VWA5A: variants seen among roughly 807,000 people sequenced by gnomAD.
The protein encoded by VWA5A is von Willebrand factor A domain containing 5A.
VWA5A carries 77 observed loss-of-function variants against 84.6 expected under a neutral mutation model. That is an observed-to-expected ratio of 0.91 (90% CI 0.76 to 1.10). The LOEUF is 1.10. Among genes scored for constraint, VWA5A ranks in the 50% least tolerant of loss-of-function variants. The pLI, the probability that VWA5A is intolerant of heterozygous loss-of-function variation, is 0.00. For synonymous variants in VWA5A, 334 were observed against 350.1 expected, an observed-to-expected ratio of 0.95 and a Z score of 0.51; for missense variants, 973 against 963.0, an observed-to-expected ratio of 1.01 and a Z score of -0.14.
intron 15 of VWA5A, 33 bp downstream of exon 15, chr11:124,137,301 G>C (rs1860628097): frequency 6.3e-7 from 1 of 1,594,312 alleles, no homozygotes; most frequent in Admixed American, 1.8e-5. Flanking sequence ...AACTCATATA[G>C]AATAAAAGAT....
chr11:124,140,379 C>CAGA (rs1225912861), intron 15 of VWA5A, among the ~76,000 whole-genome samples: 69 of 152,200 alleles, frequency 4.5e-4, no homozygotes, highest in Non-Finnish European at 7.4e-5. Context: ...CTTAGTAGTC[C>CAGA]AGATGAGGTC....
chr11:124,136,863 A>C (rs1860606072), intron 14 of VWA5A, 152 bp from the exon 15 acceptor site: 7 of 1,200,532 alleles, frequency 5.8e-6, no homozygotes, highest in Admixed American at 2.8e-5. Context: ...GTTTTCCTAC[A>C]ATCATTTTTT....
At chr11:124,132,966 C>A (rs1303949254) in intron 11 of VWA5A, among the ~76,000 whole-genome samples, 1 of 152,114 alleles carries the variant, frequency 6.6e-6, no homozygotes, top group Non-Finnish European at 1.5e-5. Context: ...TAATATTTTC[C>A]AATTATCATT....
At chr11:124,129,461 C>T (rs1865065796) in intron 11 of VWA5A, among the ~76,000 whole-genome samples, 1 of 152,066 alleles carries the variant, frequency 6.6e-6, no homozygotes, top group Non-Finnish European at 1.5e-5. Context: ...GTGTCTCAGC[C>T]AGGTTTTGGT....
chr11:124,119,682 A>G (rs2137628482), intron 7 of VWA5A, among the ~76,000 whole-genome samples: 1 of 152,322 alleles, frequency 6.6e-6, no homozygotes, highest in Non-Finnish European at 1.5e-5. Flanking sequence ...CTTATTGGCT[A>G]AATTTGCTAT....
At chr11:124,124,154 TA>T in intron 10 of VWA5A, 82 bp from the exon 11 acceptor site, 1 of 1,316,532 alleles carries the variant, frequency 7.6e-7, no homozygotes, top group Non-Finnish European at 1.1e-6. Flanking sequence ...TGCAATGAAA[TA>T]GGTGGATTTT....
At chr11:124,119,846 A>G (rs1864902628) in intron 7 of VWA5A, among the ~76,000 whole-genome samples, 1 of 152,240 alleles carries the variant, frequency 6.6e-6, no homozygotes. Context: ...GCTTTAGGAA[A>G]AACATTTTAA....
rs756187155 is a variant in VWA5A, at chr11:124,118,204, G to A, written c.262G>A (p.Glu88Lys). ...TGCTTCTCAGGCCCGCACCAACTAT[G>A]AGAAAGCCATCTCCCAGGGCCACCA... ...QDKMKARTNYEKAISQGHQAF... is the reference protein window; with the variant it reads ...QDKMKARTNYKKAISQGHQAF... Residue 88 changes from glutamate (E) to lysine (K), a missense_variant, in exon 5 of 19, where the codon GAG becomes AAG. Physicochemically the swap from Glu to Lys is moderately conservative, Grantham distance 56. Transcript: ENST00000456829. 1.9e-6 allele frequency: 3 copies of A among 1,613,978 alleles called. No individual in the cohort carries two copies. Among genetic ancestry groups the A allele is most frequent in the East Asian group, 4.5e-5 (2 of 44,862 alleles).
intron 12 of VWA5A, among the ~76,000 whole-genome samples, chr11:124,135,665 G>T: frequency 6.8e-6 from 1 of 147,358 alleles, no homozygotes; most frequent in Non-Finnish European, 1.5e-5. Context: ...TGAGTAGCTG[G>T]GACTACAGGC....
In VWA5A at chr11:124,118,186, C is replaced by T; in HGVS notation, c.247-3C>T. ...TTCCCATCCCTCGCCCTGTGCTTCT[C>T]AGGCCCGCACCAACTATGAGAAAGC... On this transcript the variant is annotated splice_region_variant and splice_polypyrimidine_tract_variant and intron_variant, in intron 4 of 18. Transcript: ENST00000456829. 6.2e-7 allele frequency: 1 copy of T among 1,613,162 alleles called. No individual in the cohort carries two copies. Among genetic ancestry groups the T allele is most frequent in the Non-Finnish European group, 8.5e-7 (1 of 1,179,652 alleles).
chr11:124,145,829 ATCC>A, intron 18 of VWA5A, 34 bp from the exon 19 acceptor site: 4 of 1,554,062 alleles, frequency 2.6e-6, no homozygotes, highest in Non-Finnish European at 3.5e-6. Context: ...TCTAATTGCA[ATCC>A]TTCATCCCTG....
chr11:124,144,102 T>C (rs1860775966), intron 17 of VWA5A, among the ~76,000 whole-genome samples: 1 of 152,090 alleles, frequency 6.6e-6, no homozygotes, highest in East Asian at 1.9e-4. Flanking sequence ...TATTTGTAGA[T>C]GACAAAACTG....
intron 11 of VWA5A, among the ~76,000 whole-genome samples, chr11:124,128,026 A>G (rs943425250): frequency 4.6e-5 from 7 of 152,018 alleles, no homozygotes; most frequent in South Asian, 4.2e-4. Context: ...GTTAGATCCC[A>G]TTTGTCAATT....
Position 124,117,225 on chromosome 11 carries a change from G to A in VWA5A, c.-15-272G>A, listed in dbSNP as rs542739422. 7 of 515,818 alleles carry A rather than the reference G, an allele frequency of 1.4e-5. No homozygotes were observed. In the Admixed American group the frequency reaches 2.4e-4, roughly 18 times the overall value. 32.0% of individuals were successfully genotyped at this position (515,818 alleles called of 1,614,324 possible). ...GAATTAAATACACTTTTGAGAAAGT[G>A]GAATTGGTATTTGAACCAGCCTCAG... is the stretch of plus-strand genomic sequence containing the variant. On this transcript the variant is annotated intron_variant, in intron 2 of 18. Transcript: ENST00000456829.
chr11:124,116,311 T>C (rs1864829100), intron 1 of VWA5A: 2 of 152,320 alleles, frequency 1.3e-5, no homozygotes, highest in Non-Finnish European at 2.9e-5. Flanking sequence ...ATTTTGTTTG[T>C]ACTGGGAAGA....
At chr11:124,127,009 A>G (rs1334478090) in intron 11 of VWA5A, among the ~76,000 whole-genome samples, 4 of 152,192 alleles carry the variant, frequency 2.6e-5, no homozygotes, top group Non-Finnish European at 4.4e-5. Flanking sequence ...AATGCAGGCC[A>G]TATTTGTCAA....
intron 16 of VWA5A, among the ~76,000 whole-genome samples, chr11:124,141,952 C>T (rs1860738399): frequency 6.6e-6 from 1 of 152,176 alleles, no homozygotes; most frequent in Admixed American, 6.5e-5. Flanking sequence ...TTCACCCCTG[C>T]AATCTATAGG....
At chr11:124,119,150 T>G in intron 7 of VWA5A, 61 bp downstream of exon 7, 11 of 1,430,882 alleles carry the variant, frequency 7.7e-6, no homozygotes, top group African/African-American at 2.8e-5. Flanking sequence ...TTGGAATTAC[T>G]GTCGAATTAC....
In VWA5A at chr11:124,136,435, G is replaced by C. The variant is rs560956602; in HGVS notation, c.1525-139G>C. On this transcript the variant is annotated intron_variant, in intron 13 of 18. Transcript: ENST00000456829. ...GCCTACTTCCTTCCCATCATTTCAG[G>C]TCTCCGGTTTCCTAGGCTACCTGAT... 32 of 1,438,534 alleles carry C rather than the reference G, an allele frequency of 2.2e-5. No individual in the cohort carries two copies. The Admixed American group carries it at 4.4e-4, about 20-fold the overall frequency. 89.1% of individuals were successfully genotyped at this position (1,438,534 alleles called of 1,614,324 possible).
Sources: allele counts gnomAD v4.1 joint callset (sites outside exome capture counted in the v4.1 genomes callset), GRCh38; gene constraint gnomAD v4.1.1; transcripts MANE v1.5; gene names NCBI Gene and HGNC (gene_info 2026-07-23, HGNC 2026-07-21).